COL9A3: variants seen among roughly 807,000 people sequenced by gnomAD.
COL9A3 encodes collagen alpha-3(IX) chain.
COL9A3 carries 82 observed loss-of-function variants against 110.2 expected under a neutral mutation model. That is an observed-to-expected ratio of 0.74 (90% CI 0.62 to 0.89). COL9A3 has a LOEUF of 0.89. Among genes scored for constraint, COL9A3 ranks in the 40% least tolerant of loss-of-function variants. The pLI is 0.00. For missense variants in COL9A3, 1,066 were observed against 981.3 expected (o/e 1.09, Z -1.15); for synonymous variants, 494 against 403.8 (o/e 1.22, Z -2.68).
intron 4 of COL9A3, among the ~76,000 whole-genome samples, 196 bp from the exon 5 acceptor site, chr20:62,819,733 G>T (rs1473503855): frequency 6.6e-6 from 1 of 152,146 alleles, no homozygotes; most frequent in Non-Finnish European, 1.5e-5. Flanking sequence ...CCCGCTGGCT[G>T]CCCCCTCCCT....
intron 15 of COL9A3, 87 bp from the exon 16 acceptor site, chr20:62,827,154 C>T: frequency 7.5e-7 from 1 of 1,337,498 alleles, no homozygotes; most frequent in Non-Finnish European, 1.1e-6. Context: ...GGGCTGTCCC[C>T]CGCCCGGGCC....
chr20:62,820,865 C>T (rs2063507314), intron 5 of COL9A3, among the ~76,000 whole-genome samples: 2 of 152,152 alleles, frequency 1.3e-5, no homozygotes, highest in Non-Finnish European at 2.9e-5. Flanking sequence ...TCAGCAGGCT[C>T]CGTGGGTGGG....
chr20:62,826,013 T>C (rs1373006991), intron 13 of COL9A3, 143 bp downstream of exon 13: 1 of 1,127,898 alleles, frequency 8.9e-7, no homozygotes, highest in Non-Finnish European at 1.3e-6. Flanking sequence ...GCGACCTGGC[T>C]GGGGGTCCCA....
chr20:62,820,657 G>A (rs900186724), intron 5 of COL9A3, among the ~76,000 whole-genome samples: 6 of 152,326 alleles, frequency 3.9e-5, no homozygotes, highest in Admixed American at 3.3e-4. Context: ...AGTCCGTGGT[G>A]CCCAGGGGTG....
chr20:62,833,499 G>A (rs891066313), intron 26 of COL9A3, among the ~76,000 whole-genome samples: 25 of 152,214 alleles, frequency 1.6e-4, no homozygotes, highest in African/African-American at 6.0e-4. Context: ...CGCCTCCCGG[G>A]TTCACGCCAT....
At chr20:62,816,773 C>T (rs181927021), upstream of COL9A3, among the ~76,000 whole-genome samples, 174 of 152,304 alleles carry the variant, frequency 1.1e-3, no homozygotes, top group Admixed American at 3.3e-3. Flanking sequence ...GAGAAAAGAG[C>T]GTCTTTCTCT....
chr20:62,832,905 C>T (rs1467451795), intron 25 of COL9A3, 115 bp from the exon 26 acceptor site: 15 of 1,003,052 alleles, frequency 1.5e-5, no homozygotes, highest in East Asian at 3.0e-5. Context: ...GGCTTTTGGC[C>T]TCGACCTTAA....
intron 26 of COL9A3, among the ~76,000 whole-genome samples, chr20:62,835,244 A>C (rs1300695769): frequency 6.6e-6 from 1 of 152,194 alleles, no homozygotes. Context: ...AAAGAGATCC[A>C]TGTGGCTCCT....
At chr20:62,823,116 C>T (rs1041279586) in intron 10 of COL9A3, among the ~76,000 whole-genome samples, 2 of 152,150 alleles carry the variant, frequency 1.3e-5, no homozygotes, top group East Asian at 1.9e-4. Context: ...ACAGGAGGAT[C>T]GCTTAAGCTC....
At position 62,821,058 on chromosome 20, in the gene COL9A3, G is replaced by T; in HGVS notation, c.310-123G>T. The T allele has an allele frequency of 5.0e-6, 5 of 1,008,060 alleles. No individual in the cohort carries two copies. In the South Asian group the frequency reaches 6.8e-5, roughly 14 times the overall value. The allele number at this position is 1,008,060 out of a possible 1,614,324, so 62.4% of individuals were successfully genotyped here. A position where few individuals can be genotyped will look rare whatever the true frequency, so the allele number is the denominator to read the frequency against. On this transcript the variant is annotated intron_variant, in intron 5 of 31. Transcript: ENST00000649368. ...GGGCTCAGAGGCCCTGCCCCTCTGTGAAGTGGGGACTTGGACCCTGTTGTC... is the reference window on the plus strand; with the variant it reads ...GGGCTCAGAGGCCCTGCCCCTCTGTTAAGTGGGGACTTGGACCCTGTTGTC...
At chr20:62,817,822 G>A in intron 2 of COL9A3, 187 bp downstream of exon 2, 2 of 676,820 alleles carry the variant, frequency 3.0e-6, no homozygotes, top group East Asian at 2.8e-5. Flanking sequence ...GTGGGTAGGG[G>A]TGGAGGGTGT....
At chr20:62,835,556 AG>A (rs1445215043) in intron 26 of COL9A3, among the ~76,000 whole-genome samples, 5 of 152,198 alleles carry the variant, frequency 3.3e-5, no homozygotes, top group African/African-American at 1.2e-4. Flanking sequence ...ACCTGGGGCC[AG>A]TCATTCCTGA....
chr20:62,817,534 C>A, intron 1 of COL9A3, 33 bp from the exon 2 acceptor site: 1 of 1,480,848 alleles, frequency 6.8e-7, no homozygotes. Flanking sequence ...CACGGGGGCA[C>A]CTGCGCTCCT....
Position 62,824,469 on chromosome 20 carries a change from C to G in COL9A3, c.544C>G (p.Pro182Ala). The change falls in exon 11 of 32, where the codon CCC becomes GCC. Residue 182 changes from proline to alanine, a missense_variant. Physicochemically the swap from Pro to Ala is conservative, Grantham distance 27. Coordinates refer to ENST00000649368, the MANE Select transcript of COL9A3 (RefSeq NM_001853.4). ...GTGCCCAAGTATCTGCCCGCCAGGT[C>G]CCCCAGGGCCCCCTGGAATGCCAGG... ...LQCPSICPPG[P>A]PGPPGMPGFK... 1 of 1,599,336 alleles carries G rather than the reference C, an allele frequency of 6.3e-7. No individual in the cohort carries two copies. Among genetic ancestry groups the G allele is most frequent in the South Asian group, 1.1e-5 (1 of 88,966 alleles).
At chr20:62,830,211 G>A in intron 22 of COL9A3, 149 bp from the exon 23 acceptor site, 2 of 940,226 alleles carry the variant, frequency 2.1e-6, no homozygotes, top group Non-Finnish European at 3.4e-6. Flanking sequence ...AGGTAGCCCT[G>A]CCTTTGTCCC....
At position 62,824,823 on chromosome 20, in the gene COL9A3, C is replaced by A. The variant is rs542327862; in HGVS notation, c.577-145C>A. The A allele has an allele frequency of 3.7e-4, 331 of 903,802 alleles. 1 individual carries two copies. In the South Asian group the frequency reaches 4.7e-3, roughly 13 times the overall value. The allele number at this position is 903,802 out of a possible 1,614,324, so 56.0% of individuals were successfully genotyped here. A position where few individuals can be genotyped will look rare whatever the true frequency, so the allele number is the denominator to read the frequency against. Reference sequence around the variant, plus strand: ...CCTAGCGCCTCTCAGGCCTCAGTTTCCCCATGAGGGCCCAGACCCGCGGTC... The same window carrying A: ...CCTAGCGCCTCTCAGGCCTCAGTTTACCCATGAGGGCCCAGACCCGCGGTC... On this transcript the variant is annotated intron_variant, in intron 11 of 31. Coordinates refer to ENST00000649368, the MANE Select transcript of COL9A3 (RefSeq NM_001853.4).
intron 4 of COL9A3, 59 bp from the exon 5 acceptor site, chr20:62,819,870 T>TG (rs1209379780): frequency 3.1e-6 from 5 of 1,601,154 alleles, no homozygotes; most frequent in Non-Finnish European, 3.4e-6. Flanking sequence ...CATTTTTGCC[T>TG]GGGGGGTGGC....
chr20:62,838,342 G>A (rs2063651229), intron 30 of COL9A3, among the ~76,000 whole-genome samples: 1 of 152,222 alleles, frequency 6.6e-6, no homozygotes, highest in Non-Finnish European at 1.5e-5. Flanking sequence ...ACTGGGCTGG[G>A]TCTTGTGGGC....
chr20:62,817,655 G>T lies in COL9A3; in HGVS notation c.147+20G>T. On this transcript the variant is annotated intron_variant, in intron 2 of 31. Coordinates refer to ENST00000649368, the MANE Select transcript of COL9A3 (RefSeq NM_001853.4). Reference sequence around the variant, plus strand: ...ATTGACGTGAGTTTGGGGGTGGGGAGGGCCCCGAGCGCTCTGGGGTTCTGG... The same window carrying T: ...ATTGACGTGAGTTTGGGGGTGGGGATGGCCCCGAGCGCTCTGGGGTTCTGG... The T allele has an allele frequency of 6.6e-7, 1 of 1,519,126 alleles. No homozygotes were observed. Among genetic ancestry groups the T allele is most frequent in the Middle Eastern group, 1.7e-4 (1 of 5,824 alleles). The allele number at this position is 1,519,126 out of a possible 1,614,324, so 94.1% of individuals were successfully genotyped here. A position where few individuals can be genotyped will look rare whatever the true frequency, so the allele number is the denominator to read the frequency against.
Sources: allele counts gnomAD v4.1 joint callset (sites outside exome capture counted in the v4.1 genomes callset), GRCh38; gene constraint gnomAD v4.1.1; transcripts MANE v1.5; gene names NCBI Gene and HGNC (gene_info 2026-07-23, HGNC 2026-07-21).